ARHGAP25: variants seen among roughly 807,000 people sequenced by gnomAD.
ARHGAP25 encodes the protein Rho GTPase activating protein 25.
ARHGAP25 carries 34 observed loss-of-function variants against 71.0 expected under a neutral mutation model. That is an observed-to-expected ratio of 0.48 (90% CI 0.36 to 0.64). The LOEUF (loss-of-function observed/expected upper bound fraction) is 0.64, where lower values mean the gene tolerates loss of function less well. Among genes scored for constraint, ARHGAP25 ranks in the 30% least tolerant of loss-of-function variants. The probability of loss-of-function intolerance (pLI) is 0.00; values close to 1 mark genes in which losing one functional copy is unlikely to be tolerated. For missense variants in ARHGAP25, 706 were observed against 805.1 expected, an observed-to-expected ratio of 0.88 and a Z score of 1.49; for synonymous variants, 282 against 296.5, an observed-to-expected ratio of 0.95 and a Z score of 0.50.
At chr2:68,721,747 A>G (rs1674767855) in intron 2 of ARHGAP25, among the ~76,000 whole-genome samples, 1 of 152,250 alleles carries the variant, frequency 6.6e-6, no homozygotes, top group African/African-American at 2.4e-5. Flanking sequence ...TGTCTTAAAA[A>G]TACAGTTCTC....
intron 1 of ARHGAP25, among the ~76,000 whole-genome samples, chr2:68,763,736 T>C (rs1676959768): frequency 6.6e-6 from 1 of 152,180 alleles, no homozygotes; most frequent in East Asian, 1.9e-4. Context: ...TTCTGGCATG[T>C]TTCACCACAT....
chr2:68,822,947 C>T lies in ARHGAP25; in HGVS notation c.1733+75C>T, dbSNP rs968500144. On this transcript the variant is annotated intron_variant, in intron 10 of 10. Transcript: ENST00000409202. ...GACAAGAGGGATTGTTCCCATCCGC[C>T]AGAGAAGTCACATCATAAAGCTTCA... The T allele has an allele frequency of 4.9e-6, 7 of 1,427,176 alleles. No individual in the cohort carries two copies. The Admixed American group carries it at 1.6e-4, about 32-fold the overall frequency. 88.4% of individuals were successfully genotyped at this position (1,427,176 alleles called of 1,614,324 possible).
chr2:68,791,615 T>G (rs1201233264), intron 4 of ARHGAP25, among the ~76,000 whole-genome samples: 1 of 152,110 alleles, frequency 6.6e-6, no homozygotes, highest in African/African-American at 2.4e-5. Flanking sequence ...ACAAACAATT[T>G]TGCTTCTGAC....
At chr2:68,750,129 C>G (rs1676068537) in intron 1 of ARHGAP25, among the ~76,000 whole-genome samples, 1 of 152,000 alleles carries the variant, frequency 6.6e-6, no homozygotes, top group Non-Finnish European at 1.5e-5. Context: ...ACCCCAGCCT[C>G]CCAAGTAGCT....
At chr2:68,806,519 C>A (rs1428108375) in intron 4 of ARHGAP25, among the ~76,000 whole-genome samples, 1 of 152,158 alleles carries the variant, frequency 6.6e-6, no homozygotes, top group Non-Finnish European at 1.5e-5. Context: ...AGTCTTATAA[C>A]TGAGACAACT....
chr2:68,764,867 C>T (rs1443916629), intron 1 of ARHGAP25, among the ~76,000 whole-genome samples: 5 of 152,172 alleles, frequency 3.3e-5, no homozygotes, highest in Admixed American at 6.5e-5. Context: ...TGCAGAAATC[C>T]GTCTTCCCCC....
chr2:68,711,102 T>C (rs1674470132), intron 2 of ARHGAP25, among the ~76,000 whole-genome samples: 1 of 152,226 alleles, frequency 6.6e-6, no homozygotes, highest in South Asian at 2.1e-4. Flanking sequence ...GGCACCCATT[T>C]AACTTGCCTT....
intron 1 of ARHGAP25, among the ~76,000 whole-genome samples, chr2:68,738,640 G>A (rs1675343488): frequency 6.6e-6 from 1 of 152,018 alleles, no homozygotes; most frequent in Non-Finnish European, 1.5e-5. Flanking sequence ...CCCCACACAT[G>A]CAAGTAGAGT....
chr2:68,732,987 T>C (rs1219590314), upstream of ARHGAP25, among the ~76,000 whole-genome samples: 2 of 152,166 alleles, frequency 1.3e-5, no homozygotes, highest in African/African-American at 2.4e-5. Flanking sequence ...GAAATACACA[T>C]TGGAATCATC....
intron 5 of ARHGAP25, among the ~76,000 whole-genome samples, chr2:68,809,798 T>A (rs1412185737): frequency 1.3e-5 from 2 of 152,150 alleles, no homozygotes; most frequent in African/African-American, 2.4e-5. Context: ...CACCCCAAGA[T>A]GCCCCCATTA....
At chr2:68,726,341 G>A (rs555989813) in intron 2 of ARHGAP25, among the ~76,000 whole-genome samples, 40 of 152,302 alleles carry the variant, frequency 2.6e-4, no homozygotes, top group Admixed American at 1.4e-3. Context: ...GCAGCTTCAC[G>A]TGGTTCAAAT....
At chr2:68,740,897 T>C (rs529734768) in intron 1 of ARHGAP25, among the ~76,000 whole-genome samples, 1 of 152,236 alleles carries the variant, frequency 6.6e-6, no homozygotes, top group South Asian at 2.1e-4. Flanking sequence ...TTGATAAAAA[T>C]TGTGAAAGAA....
At chr2:68,741,889 C>G (rs894615868) in intron 1 of ARHGAP25, among the ~76,000 whole-genome samples, 3 of 152,218 alleles carry the variant, frequency 2.0e-5, no homozygotes. Context: ...TCAGACCAGT[C>G]ATTTCATTTC....
intron 6 of ARHGAP25, among the ~76,000 whole-genome samples, chr2:68,814,860 T>C (rs550237124): frequency 6.6e-6 from 1 of 152,314 alleles, no homozygotes; most frequent in South Asian, 2.1e-4. Context: ...GGATCTGAGG[T>C]ACGATATTTT....
At chr2:68,800,869 A>G (rs892046080) in intron 4 of ARHGAP25, among the ~76,000 whole-genome samples, 2 of 152,088 alleles carry the variant, frequency 1.3e-5, no homozygotes, top group African/African-American at 2.4e-5. Flanking sequence ...ATCATATTAC[A>G]TATATTATAA....
chr2:68,774,852 A>T, intron 1 of ARHGAP25: 1 of 1,224,200 alleles, frequency 8.2e-7, no homozygotes, highest in Non-Finnish European at 1.0e-6. Context: ...TCAGATACTG[A>T]CTCCCACGCA....
At chr2:68,774,906 C>T in intron 1 of ARHGAP25, 1 of 1,378,070 alleles carries the variant, frequency 7.3e-7, no homozygotes, top group Non-Finnish European at 9.4e-7. Context: ...GCCACTTCCT[C>T]TTCAGAAGGC....
chr2:68,804,878 A>G (rs1402667310), intron 4 of ARHGAP25, among the ~76,000 whole-genome samples: 1 of 152,244 alleles, frequency 6.6e-6, no homozygotes, highest in South Asian at 2.1e-4. Flanking sequence ...GGGTTACACT[A>G]GACATTGGGG....
upstream of ARHGAP25, among the ~76,000 whole-genome samples, chr2:68,731,382 C>G (rs916758093): frequency 1.3e-5 from 2 of 152,042 alleles, no homozygotes; most frequent in Non-Finnish European, 2.9e-5. Context: ...ACTCACATGA[C>G]TCCTGTGTTG....
Sources: gnomAD v4.1 joint callset for allele counts (sites outside exome capture counted in the v4.1 genomes callset) on GRCh38, gnomAD v4.1.1 for gene constraint, MANE v1.5 for transcripts, NCBI Gene and HGNC (gene_info 2026-07-23, HGNC 2026-07-21) for gene names.